NFKBIL1: variants seen among roughly 807,000 people sequenced by gnomAD.
NFKBIL1 encodes the protein NF-kappa-B inhibitor-like protein 1.
NFKBIL1 carries 30 observed loss-of-function variants against 45.4 expected under a neutral mutation model. The ratio of observed to expected loss-of-function variants is 0.66; its 90% CI spans 0.49 to 0.90. NFKBIL1 has a LOEUF of 0.90. Ranked by LOEUF, NFKBIL1 falls within the 40% of genes least tolerant of loss-of-function variation. The probability of loss-of-function intolerance (pLI) is 0.00; values close to 1 mark genes in which losing one functional copy is unlikely to be tolerated. For synonymous variants in NFKBIL1, 179 were observed against 197.3 expected, an observed-to-expected ratio of 0.91 and a Z score of 0.78; for missense variants, 434 against 513.4, an observed-to-expected ratio of 0.85 and a Z score of 1.49.
intron 1 of NFKBIL1, 49 bp from the exon 2 acceptor site, chr6:31,548,114 G>A: frequency 6.2e-7 from 1 of 1,611,804 alleles, no homozygotes; most frequent in East Asian, 2.2e-5. Context: ...GGAGGGAGAA[G>A]GACCAGCCAA....
Position 31,557,934 on chromosome 6 carries a change from C to T in NFKBIL1, c.556+85C>T. 6.7e-7 allele frequency: 1 copy of T among 1,494,178 alleles called. No individual in the cohort carries two copies. Among genetic ancestry groups the T allele is most frequent in the East Asian group, 2.3e-5 (1 of 42,640 alleles). 92.6% of individuals were successfully genotyped at this position (1,494,178 alleles called of 1,614,324 possible). A position where few individuals can be genotyped will look rare whatever the true frequency, so the allele number is the denominator to read the frequency against. On this transcript the variant is annotated intron_variant, in intron 3 of 3. Coordinates refer to ENST00000376148, the MANE Select transcript of NFKBIL1 (RefSeq NM_005007.4). The surrounding 1 kb of genome is among the most constrained non-coding windows in gnomAD (Gnocchi z 5.4). ...GAATGCGTCACACTAGGCTCCTCTGCCCCCTCCTCTGTGCTTCCCTGCTTC... is the reference window on the plus strand; with the variant it reads ...GAATGCGTCACACTAGGCTCCTCTGTCCCCTCCTCTGTGCTTCCCTGCTTC...
chr6:31,558,458 G>C lies in NFKBIL1; in HGVS notation c.993G>C (p.Arg331Ser). The C allele has an allele frequency of 6.4e-7, 1 of 1,551,232 alleles. No individual in the cohort carries two copies. The change falls in exon 4 of 4, where the codon AGG becomes AGC. Residue 331 changes from arginine to serine, a missense_variant. By Grantham distance (110) the Arg-to-Ser change is moderately radical. This residue lies in a region of NFKBIL1 where 52 missense variants were observed against 95.9 expected (regional missense o/e 0.54). Coordinates refer to ENST00000376148, the MANE Select transcript of NFKBIL1 (RefSeq NM_005007.4). The surrounding 1 kb of genome is among the most constrained non-coding windows in gnomAD (Gnocchi z 7.2). ...CTTTGGAGGAACAGGGGGCTCTGAGGAGGTACTTGAGGGTCCAGCAGGTCC... is the reference window on the plus strand; with the variant it reads ...CTTTGGAGGAACAGGGGGCTCTGAGCAGGTACTTGAGGGTCCAGCAGGTCC... ...GPPLEEQGAL[R>S]RYLRVQQVRW...
chr6:31,550,350 T>G (rs1002059371), intron 2 of NFKBIL1, among the ~76,000 whole-genome samples: 1 of 151,406 alleles, frequency 6.6e-6, no homozygotes, highest in Non-Finnish European at 1.5e-5. Context: ...TGAACAACCC[T>G]AACATCCCCC....
chr6:31,549,221 T>C (rs948366362), intron 2 of NFKBIL1, among the ~76,000 whole-genome samples: 1 of 152,120 alleles, frequency 6.6e-6, no homozygotes, highest in Non-Finnish European at 1.5e-5. Flanking sequence ...TGGTATATGC[T>C]GGCGATTGTT....
chr6:31,548,851 T>C (rs1769272687), intron 2 of NFKBIL1, among the ~76,000 whole-genome samples: 2 of 152,198 alleles, frequency 1.3e-5, no homozygotes, highest in African/African-American at 4.8e-5. Flanking sequence ...TGTGTAAAAA[T>C]TAAAATAATA....
chr6:31,551,105 C>G (rs866319212), intron 2 of NFKBIL1, among the ~76,000 whole-genome samples: 1 of 152,176 alleles, frequency 6.6e-6, no homozygotes. Flanking sequence ...TGGCTCACTG[C>G]AGCCTCTACC....
At position 31,548,421 on chromosome 6, in the gene NFKBIL1, G is replaced by A; in HGVS notation, c.316G>A (p.Ala106Thr). The A allele has an allele frequency of 9.3e-6, 14 of 1,508,766 alleles. No individual in the cohort carries two copies. The highest frequency in any genetic ancestry group is 1.1e-5 in the Non-Finnish European group (13 of 1,134,750). The allele number at this position is 1,508,766 out of a possible 1,614,324, so 93.5% of individuals were successfully genotyped here. A position where few individuals can be genotyped will look rare whatever the true frequency, so the allele number is the denominator to read the frequency against. ...TGGGGACACGGCACTGCATGCTGCT[G>A]CCCGCCAGGGCCCAGATGGTGAGTC... ...RHGDTALHAA[A>T]RQGPDAYTDF... The change falls in exon 2 of 4, where the codon GCC (alanine) becomes ACC (threonine). Residue 106 changes from alanine (A) to threonine (T), a missense_variant. Physicochemically the swap from Ala to Thr is moderately conservative, Grantham distance 58 (BLOSUM62 0). Transcript: ENST00000376148.
rs912197380 is a variant in NFKBIL1 at position 31,558,728 on chromosome 6, G to C, written c.*117G>C. 31 of 895,542 alleles carry C rather than the reference G, an allele frequency of 3.5e-5. No individual in the cohort carries two copies. Among genetic ancestry groups the C allele is most frequent in the Admixed American group, 8.6e-5 (3 of 34,702 alleles). The allele number at this position is 895,542 out of a possible 1,614,324, so 55.5% of individuals were successfully genotyped here. On this transcript the variant is annotated 3_prime_UTR_variant, in exon 4 of 4. Transcript: ENST00000376148. The surrounding 1 kb of genome is among the most constrained non-coding windows in gnomAD (Gnocchi z 7.2). The stretch of plus-strand genomic sequence containing the variant: ...CCAGGTGCTGCTCAGCAGAGGATAT[G>C]GGTGGGAGCGAAAGTTGTAACAAGT...
rs199825229 is a variant in NFKBIL1, at chr6:31,558,273, G to A, written c.808G>A (p.Gly270Arg). 1.2e-5 allele frequency: 19 copies of A among 1,588,768 alleles called. No individual in the cohort carries two copies. Among genetic ancestry groups the A allele is most frequent in the Non-Finnish European group, 1.4e-5 (16 of 1,167,630 alleles). Residue 270 changes from glycine (G) to arginine (R), a missense_variant, in exon 4 of 4, where the codon GGG becomes AGG. Around this residue, in one of 4 missense-constraint regions of NFKBIL1, gnomAD observed 128 missense variants for 106.5 expected, o/e 1.20. Transcript: ENST00000376148. This position sits in a 1 kb window ranked among gnomAD's most constrained non-coding sequence, Gnocchi z 7.2. ...AGCCAGGAGGGCGCAGGAGGCTCTA[G>A]GGGACCGAGAACCCAAGCCAACCAG... is the stretch of plus-strand genomic sequence containing the variant. ...SRARRAQEAL[G>R]DREPKPTRAG...
chr6:31,558,351 C>T lies in NFKBIL1; in HGVS notation c.886C>T (p.Arg296Ter). The change falls in exon 4 of 4, where the codon CGA (arginine) becomes TGA (stop). Residue 296 changes from arginine to a stop codon, truncating the protein, a stop_gained. Transcript: ENST00000376148. LOFTEE classifies it high-confidence loss of function. This position sits in a 1 kb window ranked among gnomAD's most constrained non-coding sequence, Gnocchi z 7.2. The stretch of plus-strand genomic sequence containing the variant: ...AGGAGCGGGGAGGGGCAGCCTCTGG[C>T]GATTTGGTGATGTGCCCTGGCCCTG... ...PRGAGRGSLW[R>*]FGDVPWPCPG... The T allele has an allele frequency of 3.2e-6, 5 of 1,552,134 alleles. No homozygotes were observed. Among genetic ancestry groups the T allele is most frequent in the Admixed American group, 1.9e-5 (1 of 51,300 alleles).
In NFKBIL1 at chr6:31,557,325, G is replaced by T. The variant is rs1404167370; in HGVS notation, c.335-303G>T. 6.6e-6 allele frequency among the ~76,000 whole-genome samples: 1 copy of T among 152,120 alleles called. No homozygotes were observed. Among genetic ancestry groups the T allele is most frequent in the Non-Finnish European group, 1.5e-5 (1 of 68,022 alleles). On this transcript the variant is annotated intron_variant, in intron 2 of 3. Coordinates refer to ENST00000376148, the MANE Select transcript of NFKBIL1 (RefSeq NM_005007.4). This position sits in a 1 kb window ranked among gnomAD's most constrained non-coding sequence, Gnocchi z 5.4. ...GGATTTCACCATGTTAGCCAGGATG[G>T]TCTTGATCTCCTGACCTCGTGATCC...
chr6:31,557,483 C>A lies in NFKBIL1; in HGVS notation c.335-145C>A. On this transcript the variant is annotated intron_variant, in intron 2 of 3. Transcript: ENST00000376148. The surrounding 1 kb of genome is among the most constrained non-coding windows in gnomAD (Gnocchi z 5.4). ...CTGTATTTATCAGTGATGGTTATTT[C>A]CTAATACCCAGGAGGCATCCATGTG... 2.0e-6 allele frequency: 1 copy of A among 508,918 alleles called. No individual in the cohort carries two copies. Among genetic ancestry groups the A allele is most frequent in the South Asian group, 4.0e-5 (1 of 24,728 alleles). 31.5% of individuals were successfully genotyped at this position (508,918 alleles called of 1,614,324 possible). A position where few individuals can be genotyped will look rare whatever the true frequency, so the allele number is the denominator to read the frequency against.
intron 2 of NFKBIL1, among the ~76,000 whole-genome samples, chr6:31,549,256 T>A (rs1345335768): frequency 1.3e-5 from 2 of 151,954 alleles, no homozygotes; most frequent in Non-Finnish European, 2.9e-5. Flanking sequence ...GTTTTTTGTT[T>A]TTGTTTTTGT....
chr6:31,552,650 G>A (rs1769492640), intron 2 of NFKBIL1, among the ~76,000 whole-genome samples: 2 of 148,822 alleles, frequency 1.3e-5, no homozygotes, highest in African/African-American at 2.5e-5. Context: ...CATTGAGAAC[G>A]GTTGATCTGG....
intron 2 of NFKBIL1, among the ~76,000 whole-genome samples, chr6:31,553,264 C>T (rs1003685138): frequency 1.3e-5 from 2 of 152,026 alleles, no homozygotes; most frequent in Non-Finnish European, 2.9e-5. Flanking sequence ...AAACTCCTGT[C>T]CTGACCTGAG....
In NFKBIL1 at chr6:31,558,334, G is replaced by A. The variant is rs1027660799; in HGVS notation, c.869G>A (p.Gly290Glu). ...AGGGAAGAGCACCCCAGAGGAGCGGGGAGGGGCAGCCTCTGGCGATTTGGT... is the reference window on the plus strand; with the variant it reads ...AGGGAAGAGCACCCCAGAGGAGCGGAGAGGGGCAGCCTCTGGCGATTTGGT... The part of the protein sequence containing the change: ...GPREEHPRGA[G>E]RGSLWRFGDV... The change falls in exon 4 of 4, where the codon GGG becomes GAG. Residue 290 changes from glycine (G) to glutamate (E), a missense_variant. Physicochemically the swap from Gly to Glu is moderately conservative, Grantham distance 98 (BLOSUM62 -2). Coordinates refer to ENST00000376148, the MANE Select transcript of NFKBIL1 (RefSeq NM_005007.4). This position sits in a 1 kb window ranked among gnomAD's most constrained non-coding sequence, Gnocchi z 7.2. The A allele has an allele frequency of 2.6e-6, 4 of 1,562,866 alleles. No individual in the cohort carries two copies. In the African/African-American group the frequency reaches 4.1e-5, roughly 16 times the overall value.
In NFKBIL1 at chr6:31,547,727, A is replaced by G; in HGVS notation, c.33A>G (p.Glu11=). 1.9e-6 allele frequency: 3 copies of G among 1,612,284 alleles called. No homozygotes were observed. The highest frequency in any genetic ancestry group is 2.5e-6 in the Non-Finnish European group (3 of 1,179,466). The change falls in exon 1 of 4, where the codon GAA becomes GAG. Residue 11 remains glutamate, a synonymous_variant. Transcript: ENST00000376148. ...ACCCCTCCCCCCAGGTTCCAGAGGA[A>G]GAAGCCTCCACATCTGTCTGCCGGG... MSNPSPQVPE[E]EASTSVCRPK... is the part of the protein sequence containing the mutation.
chr6:31,548,463 A>G (rs772836206), intron 2 of NFKBIL1, 24 bp downstream of exon 2: 1 of 1,486,320 alleles, frequency 6.7e-7, no homozygotes, highest in East Asian at 2.3e-5. Context: ...GTGGGGAACA[A>G]GGTCATAAGC....
chr6:31,548,123 A>G, intron 1 of NFKBIL1, 40 bp from the exon 2 acceptor site: 2 of 1,612,810 alleles, frequency 1.2e-6, no homozygotes, highest in Non-Finnish European at 1.7e-6. Context: ...AGGACCAGCC[A>G]AGGCTGAAGT....
Sources: allele counts gnomAD v4.1 joint callset (sites outside exome capture counted in the v4.1 genomes callset), GRCh38; gene constraint gnomAD v4.1.1; regional missense constraint gnomAD v4.1.1; non-coding constraint Gnocchi (gnomAD v3.1); transcripts MANE v1.5; gene names NCBI Gene and HGNC (gene_info 2026-07-23, HGNC 2026-07-21).